The following NCF2 variants were observed in gnomAD, a reference collection of about 807,000 sequenced individuals.
NCF2 encodes the protein neutrophil cytosol factor 2.
In NCF2, 45 loss-of-function variants were observed where a neutral mutation model predicts 70.9. The observed-to-expected ratio is 0.63, with a 90% CI of 0.50 to 0.81. NCF2 has a LOEUF of 0.81. Among genes scored for constraint, NCF2 ranks in the 40% least tolerant of loss-of-function variants. The probability of loss-of-function intolerance (pLI) is 0.00; values close to 1 mark genes in which losing one functional copy is unlikely to be tolerated. For missense variants in NCF2, 522 were observed against 631.6 expected, an observed-to-expected ratio of 0.83 and a Z score of 1.86; for synonymous variants, 203 against 233.6, an observed-to-expected ratio of 0.87 and a Z score of 1.19.
chr1:183,556,783 C>T (rs1266119331), intron 14 of NCF2, among the ~76,000 whole-genome samples: 1 of 152,196 alleles, frequency 6.6e-6, no homozygotes, highest in African/African-American at 2.4e-5. Context: ...CCCAACTCAG[C>T]CTCCCAAAGT....
upstream of NCF2, among the ~76,000 whole-genome samples, chr1:183,594,915 T>G (rs1572185338): frequency 6.6e-6 from 1 of 152,344 alleles, no homozygotes; most frequent in East Asian, 1.9e-4. Context: ...TAACTTTTTC[T>G]GGTACATGAG....
At chr1:183,585,829 T>TATTAAATTTATTAATTTTTTCATTA (rs1248269198) in intron 2 of NCF2, among the ~76,000 whole-genome samples, 1 of 152,184 alleles carries the variant, frequency 6.6e-6, no homozygotes, top group Admixed American at 6.5e-5. Context: ...TAACTTTCAT[T>TATTAAATTTATTAATTTTTTCATTA]TTGAATTTAT....
Position 183,590,202 on chromosome 1 carries a change from A to G in NCF2, c.128T>C (p.Ile43Thr). 1 of 1,614,172 alleles carries G rather than the reference A, an allele frequency of 6.2e-7. No individual in the cohort carries two copies. The highest frequency in any genetic ancestry group is 1.1e-5 in the South Asian group (1 of 91,076). ...QDPHSRICFNIGCMYTILKNM... is the reference protein window; with the variant it reads ...QDPHSRICFNTGCMYTILKNM... ...CTTCAGGATAGTGTACATGCAGCCA[A>G]TGTTGAAGCAAATCCGGGAGTGGGG... The change falls in exon 1 of 15, where the codon ATT becomes ACT. Residue 43 changes from isoleucine (I) to threonine (T), a missense_variant. Transcript: ENST00000367535.
intron 14 of NCF2, among the ~76,000 whole-genome samples, 164 bp from the exon 15 acceptor site, chr1:183,556,394 G>C (rs1671782526): frequency 6.6e-6 from 1 of 152,178 alleles, no homozygotes; most frequent in Admixed American, 6.5e-5. Context: ...TGAACACAGG[G>C]TTTAACCATC....
At chr1:183,584,799 C>A (rs1347002074) in intron 2 of NCF2, among the ~76,000 whole-genome samples, 2 of 152,046 alleles carry the variant, frequency 1.3e-5, no homozygotes, top group Admixed American at 1.3e-4. Flanking sequence ...AGAGGCAAGA[C>A]GTCGGTCAAG....
intron 3 of NCF2, among the ~76,000 whole-genome samples, chr1:183,575,363 G>A (rs1191106191): frequency 6.6e-6 from 1 of 152,184 alleles, no homozygotes; most frequent in Non-Finnish European, 1.5e-5. Flanking sequence ...TCAGCTACTT[G>A]GAGGCTGAAG....
chr1:183,561,759 G>T lies in NCF2; in HGVS notation c.1290+1436C>A, dbSNP rs1036375925. On this transcript the variant is annotated intron_variant, in intron 13 of 14. Transcript: ENST00000367535. ...GCCTCCCAAAGTGCTAGGATTTCAG[G>T]CATAAACCATACCAGGCCTCTTTTT... is the stretch of plus-strand genomic sequence containing the variant. Among the ~76,000 whole-genome samples, 3 of 140,772 alleles carry T rather than the reference G, an allele frequency of 2.1e-5. No individual in the cohort carries two copies. In the South Asian group the frequency reaches 6.7e-4, roughly 32 times the overall value. The allele number at this position is 140,772 out of a possible 152,430, so 92.4% of individuals were successfully genotyped here.
Position 183,570,533 on chromosome 1 carries a change from C to T in NCF2, c.669+247G>A, listed in dbSNP as rs375927031. Among the ~76,000 whole-genome samples the T allele has an allele frequency of 1.5e-4, 23 of 152,304 alleles. No homozygotes were observed. The South Asian group carries it at 2.5e-3, about 16-fold the overall frequency. On this transcript the variant is annotated intron_variant, in intron 6 of 14. Transcript: ENST00000367535. ...CAGATCTCTTTAGAGATGTGAAGAC[C>T]GGCATTTGTGGGGAAGCAGGAGAGT...
At chr1:183,559,953 C>G in intron 14 of NCF2, 143 bp downstream of exon 14, 1 of 851,310 alleles carries the variant, frequency 1.2e-6, no homozygotes, top group Admixed American at 2.1e-5. Context: ...CAACTTTGCT[C>G]CCTCCAGCTA....
intron 3 of NCF2, 35 bp downstream of exon 3, chr1:183,577,564 C>A (rs750171466): frequency 1.3e-6 from 2 of 1,492,154 alleles, no homozygotes; most frequent in East Asian, 2.3e-5. Context: ...CAGCCATGAT[C>A]CCCTCCTGCC....
chr1:183,564,935 G>A (rs1041268516), intron 10 of NCF2, among the ~76,000 whole-genome samples: 1 of 152,214 alleles, frequency 6.6e-6, no homozygotes, highest in Non-Finnish European at 1.5e-5. Context: ...CTGGCTCGGG[G>A]GAGAAAAATA....
intron 2 of NCF2, among the ~76,000 whole-genome samples, chr1:183,580,081 CG>C (rs1672989733): frequency 6.6e-6 from 1 of 152,138 alleles, no homozygotes; most frequent in African/African-American, 2.4e-5. Context: ...TCATAAGGAA[CG>C]GGTGCCAGTG....
At chr1:183,581,339 A>C (rs1673064199) in intron 2 of NCF2, among the ~76,000 whole-genome samples, 1 of 150,850 alleles carries the variant, frequency 6.6e-6, no homozygotes, top group African/African-American at 2.4e-5. Context: ...CAACCAAAAA[A>C]ACAGGGTGGG....
At chr1:183,568,642 G>C (rs747231701) in intron 7 of NCF2, among the ~76,000 whole-genome samples, 1 of 150,386 alleles carries the variant, frequency 6.6e-6, no homozygotes, top group African/African-American at 2.5e-5. Context: ...TGCCGATAGG[G>C]AGTGGAAAAC....
At chr1:183,576,624 T>G (rs923703695) in intron 3 of NCF2, among the ~76,000 whole-genome samples, 4 of 152,164 alleles carry the variant, frequency 2.6e-5, no homozygotes, top group African/African-American at 9.7e-5. Context: ...ACTCGAGAAG[T>G]TGGTCGAATG....
In NCF2 at chr1:183,566,961, C is replaced by G. The variant is rs1275640147; in HGVS notation, c.883G>C (p.Glu295Gln). The G allele has an allele frequency of 6.2e-7, 1 of 1,614,052 alleles. No homozygotes were observed. Residue 295 changes from glutamate (E) to glutamine (Q), a missense_variant, in exon 9 of 15, where the codon GAA becomes CAA. By Grantham distance (29) the Glu-to-Gln change is conservative. Coordinates refer to ENST00000367535, the MANE Select transcript of NCF2 (RefSeq NM_000433.4). The stretch of plus-strand genomic sequence containing the variant: ...GGGTGGATCCGCAGCTCAACTGGTT[C>G]AAGGTAGTTGCAGGGAACAAGCCCC... The part of the protein sequence containing the change: ...QKGLVPCNYL[E>Q]PVELRIHPQQ...
Position 183,560,283 on chromosome 1 carries a change from T to C in NCF2, c.1291-10A>G. 1.2e-6 allele frequency: 2 copies of C among 1,614,126 alleles called. No individual in the cohort carries two copies. The highest frequency in any genetic ancestry group is 1.7e-6 in the Non-Finnish European group (2 of 1,180,000). On this transcript the variant is annotated splice_polypyrimidine_tract_variant and intron_variant, in intron 13 of 14. Coordinates refer to ENST00000367535, the MANE Select transcript of NCF2 (RefSeq NM_000433.4). ...GAAAGCCTTGGTCACCCTGAAATAA[T>C]AAAGGGCCTGTTAATTTTCCCAATT...
chr1:183,570,816 T>C lies in NCF2; in HGVS notation c.633A>G (p.Gln211=), dbSNP rs780154260. The C allele has an allele frequency of 2.5e-6, 4 of 1,614,206 alleles. No homozygotes were observed. The highest frequency in any genetic ancestry group is 2.2e-5 in the South Asian group (2 of 91,086). The change falls in exon 6 of 15, where the codon CAA becomes CAG. Residue 211 remains glutamine (Q), a synonymous_variant. Transcript: ENST00000367535. The part of the protein sequence containing the change: ...KATVVASVVD[Q]DSFSGFAPLQ... ...GAGGGGCAAACCCAGAGAAACTGTC[T>C]TGATCCACCACAGATGCCACGACCT... is the stretch of plus-strand genomic sequence containing the variant.
rs530704541 is a variant in NCF2 at position 183,563,127 on chromosome 1, T to C, written c.1290+68A>G. The C allele has an allele frequency of 3.5e-6, 5 of 1,432,036 alleles. No homozygotes were observed. The African/African-American group carries it at 7.0e-5, about 20-fold the overall frequency. The allele number at this position is 1,432,036 out of a possible 1,614,324, so 88.7% of individuals were successfully genotyped here. On this transcript the variant is annotated intron_variant, in intron 13 of 14. Transcript: ENST00000367535. ...TGCCTAGTACACAGAAGGTGCTTGA[T>C]AAATTTCAAATTGTTGAGGAAGTGG... is the stretch of plus-strand genomic sequence containing the variant.
Sources: gnomAD v4.1 joint callset for allele counts (sites outside exome capture counted in the v4.1 genomes callset) on GRCh38, gnomAD v4.1.1 for gene constraint, MANE v1.5 for transcripts, NCBI Gene and HGNC (gene_info 2026-07-23, HGNC 2026-07-21) for gene names.